Variants in RAP1GAP2 observed in about 807,000 individuals in gnomAD.
RAP1GAP2 encodes rap1 GTPase-activating protein 2.
In RAP1GAP2, 27 loss-of-function variants were observed where a neutral mutation model predicts 95.0. That is an observed-to-expected ratio of 0.28 (90% CI 0.21 to 0.39). The LOEUF is 0.39. Ranked by LOEUF, RAP1GAP2 falls within the 10% of genes least tolerant of loss-of-function variation. The probability of loss-of-function intolerance (pLI) is 1.00; values close to 1 mark genes in which losing one functional copy is unlikely to be tolerated. For missense variants in RAP1GAP2, 771 were observed against 970.0 expected (o/e 0.79, Z 2.72); for synonymous variants, 373 against 380.9 (o/e 0.98, Z 0.24).
At position 2,843,290 on chromosome 17, in the gene RAP1GAP2, C is replaced by CT. The variant is rs753692076; in HGVS notation, c.80+42755dup. The stretch of plus-strand genomic sequence containing the variant: ...TGGAGAAACAACTCAGTTAATTTCC[C>CT]TTTTTTTTTTTTTTTAATGGTGTCT... On this transcript the variant is annotated intron_variant, in intron 2 of 24. Coordinates refer to ENST00000254695, the MANE Select transcript of RAP1GAP2 (RefSeq NM_015085.5). 3.9e-3 allele frequency among the ~76,000 whole-genome samples: 547 copies of CT among 141,082 alleles called. 1 individual carries two copies. Among genetic ancestry groups the CT allele is most frequent in the South Asian group, 4.6e-3 (20 of 4,328 alleles). 92.6% of individuals were successfully genotyped at this position (141,082 alleles called of 152,430 possible). A position where few individuals can be genotyped will look rare whatever the true frequency, so the allele number is the denominator to read the frequency against.
chr17:3,008,234 A>AT lies in RAP1GAP2; in HGVS notation c.1494+89_1494+90insT. 1.3e-6 allele frequency: 2 copies of AT among 1,565,516 alleles called. No homozygotes were observed. Among genetic ancestry groups the AT allele is most frequent in the Non-Finnish European group, 1.7e-6 (2 of 1,150,288 alleles). ...CCAAGGTCCATGGGATACTGATCCC[A>AT]GAGCCCAAGGGCCAGCTGGAGGGGT... On this transcript the variant is annotated intron_variant, in intron 17 of 24. Coordinates refer to ENST00000254695, the MANE Select transcript of RAP1GAP2 (RefSeq NM_015085.5). The surrounding 1 kb of genome is among the most constrained non-coding windows in gnomAD (Gnocchi z 4.2).
intron 12 of RAP1GAP2, among the ~76,000 whole-genome samples, chr17:2,991,845 A>T (rs1264144680): frequency 6.6e-6 from 1 of 150,620 alleles, no homozygotes. Flanking sequence ...GCTCACTGCA[A>T]CCTCCACCTC....
At chr17:2,991,596 A>C (rs2045755060) in intron 12 of RAP1GAP2, among the ~76,000 whole-genome samples, 199 bp downstream of exon 12, 1 of 152,128 alleles carries the variant, frequency 6.6e-6, no homozygotes. Flanking sequence ...GATTCCCCTG[A>C]AGGCGTTCAC....
intron 8 of RAP1GAP2, among the ~76,000 whole-genome samples, chr17:2,978,105 G>T (rs1366285510): frequency 6.6e-6 from 1 of 152,130 alleles, no homozygotes; most frequent in Non-Finnish European, 1.5e-5. Flanking sequence ...AGGTCCAACA[G>T]CAAAACTAGC....
intron 3 of RAP1GAP2, among the ~76,000 whole-genome samples, chr17:2,927,430 G>C (rs558671556): frequency 6.6e-6 from 1 of 152,330 alleles, no homozygotes; most frequent in Non-Finnish European, 1.5e-5. Context: ...TGGGATTACA[G>C]GCGTGAGCCA....
rs775542647 is a variant in RAP1GAP2, at chr17:3,005,447, C to T, written c.1272+7C>T. The T allele has an allele frequency of 2.4e-5, 38 of 1,609,186 alleles. No individual in the cohort carries two copies. The highest frequency in any genetic ancestry group is 1.2e-4 in the Admixed American group (7 of 59,992). Reference sequence around the variant, plus strand: ...TCCCCCCGTTTTCCAGAAGGTAGGACACTCTTCCTTCTGCCCCTCTCGCAT... The same window carrying T: ...TCCCCCCGTTTTCCAGAAGGTAGGATACTCTTCCTTCTGCCCCTCTCGCAT... On this transcript the variant is annotated splice_region_variant and intron_variant, in intron 15 of 24. Coordinates refer to ENST00000254695, the MANE Select transcript of RAP1GAP2 (RefSeq NM_015085.5). This position sits in a 1 kb window ranked among gnomAD's most constrained non-coding sequence, Gnocchi z 5.2.
chr17:2,832,070 G>C (rs2070879601), intron 2 of RAP1GAP2, among the ~76,000 whole-genome samples: 1 of 151,674 alleles, frequency 6.6e-6, no homozygotes, highest in South Asian at 2.1e-4. Flanking sequence ...TGGGCTTGGT[G>C]GTGGGTGCCT....
Position 2,796,560 on chromosome 17 carries a change from G to A in RAP1GAP2, c.33G>A (p.Gly11=). Residue 11 remains glycine (G), a synonymous_variant, in exon 1 of 25, where the codon GGG becomes GGA. Coordinates refer to ENST00000254695, the MANE Select transcript of RAP1GAP2 (RefSeq NM_015085.5). The surrounding 1 kb of genome is among the most constrained non-coding windows in gnomAD (Gnocchi z 4.7). ...GCCGGAAGCGCAGTGTCTCCTTTGG[G>A]GGCTTCGGATGGTGGGTGACAGGTG... MFGRKRSVSF[G]GFGWIDKTML... The A allele has an allele frequency of 6.4e-7, 1 of 1,563,668 alleles. No individual in the cohort carries two copies. The highest frequency in any genetic ancestry group is 8.7e-7 in the Non-Finnish European group (1 of 1,153,928).
intron 3 of RAP1GAP2, among the ~76,000 whole-genome samples, chr17:2,914,233 C>T (rs921296899): frequency 3.3e-5 from 5 of 152,098 alleles, no homozygotes; most frequent in Non-Finnish European, 7.4e-5. Flanking sequence ...ATCTTATATC[C>T]TCACCAGCAG....
chr17:2,800,593 G>C (rs377710071), intron 2 of RAP1GAP2, 43 bp downstream of exon 2: 2 of 1,594,864 alleles, frequency 1.3e-6, no homozygotes, highest in Non-Finnish European at 1.7e-6. Flanking sequence ...GAGATGACGC[G>C]GATCAGAGCG....
chr17:2,764,696 G>C (rs2068243840), intron 1 of RAP1GAP2, among the ~76,000 whole-genome samples: 1 of 152,124 alleles, frequency 6.6e-6, no homozygotes, highest in Non-Finnish European at 1.5e-5. Flanking sequence ...ACTCCAGCCT[G>C]GGTGACAGAA....
intron 17 of RAP1GAP2, among the ~76,000 whole-genome samples, chr17:3,013,894 A>C (rs1250626816): frequency 6.6e-6 from 1 of 152,116 alleles, no homozygotes; most frequent in Non-Finnish European, 1.5e-5. Flanking sequence ...GTAGAGATTC[A>C]ATAGATCTTG....
intron 3 of RAP1GAP2, among the ~76,000 whole-genome samples, chr17:2,913,828 A>G (rs1321993467): frequency 6.6e-6 from 1 of 152,070 alleles, no homozygotes; most frequent in Admixed American, 6.6e-5. Context: ...AGGAGCAAAC[A>G]GTGTTCTGAT....
At chr17:2,859,506 G>T (rs1173975109) in intron 2 of RAP1GAP2, among the ~76,000 whole-genome samples, 1 of 152,050 alleles carries the variant, frequency 6.6e-6, no homozygotes, top group Non-Finnish European at 1.5e-5. Context: ...TATGATCTTG[G>T]CTTACTGCAA....
chr17:2,887,707 C>G (rs2073548756), intron 2 of RAP1GAP2, among the ~76,000 whole-genome samples: 1 of 142,898 alleles, frequency 7.0e-6, no homozygotes, highest in Non-Finnish European at 1.5e-5. Context: ...TGGAGTCTCT[C>G]TCTATTGCCC....
intron 2 of RAP1GAP2, among the ~76,000 whole-genome samples, chr17:2,836,047 G>A (rs1334918101): frequency 1.3e-5 from 2 of 151,984 alleles, no homozygotes; most frequent in Admixed American, 6.6e-5. Flanking sequence ...GGGTGTGTTG[G>A]TGCATCTGGG....
chr17:2,929,461 G>A (rs907605483), intron 3 of RAP1GAP2, among the ~76,000 whole-genome samples: 6 of 152,134 alleles, frequency 3.9e-5, no homozygotes, highest in African/African-American at 1.4e-4. Context: ...AAGAAGGTAA[G>A]CCAGCCTCCT....
chr17:2,784,514 G>T (rs992037892), intron 1 of RAP1GAP2, among the ~76,000 whole-genome samples: 3 of 151,956 alleles, frequency 2.0e-5, no homozygotes, highest in African/African-American at 7.3e-5. Context: ...CAAGTGATCC[G>T]CCCGACTCGG....
At chr17:3,020,403 C>T in intron 18 of RAP1GAP2, 74 bp from the exon 19 acceptor site, 1 of 1,218,974 alleles carries the variant, frequency 8.2e-7, no homozygotes. Context: ...CATTTGTAGA[C>T]CAGGGAGGAG....
Sources: gnomAD v4.1 joint callset for allele counts (sites outside exome capture counted in the v4.1 genomes callset) on GRCh38, gnomAD v4.1.1 for gene constraint, Gnocchi (gnomAD v3.1) non-coding constraint, MANE v1.5 for transcripts, NCBI Gene and HGNC (gene_info 2026-07-23, HGNC 2026-07-21) for gene names.